VPS13A: variants seen among roughly 807,000 people sequenced by gnomAD.
VPS13A encodes the protein vacuolar protein sorting 13 homolog A, also known as intermembrane lipid transfer protein VPS13A.
Under a neutral mutation model 390.9 loss-of-function variants are expected in VPS13A, and 264 were observed. The observed-to-expected ratio is 0.68, with a 90% CI of 0.61 to 0.75. The LOEUF (loss-of-function observed/expected upper bound fraction) is 0.75, where lower values mean the gene tolerates loss of function less well. Ranked by LOEUF, VPS13A falls within the 30% of genes least tolerant of loss-of-function variation. The probability of loss-of-function intolerance (pLI) is 0.00; values close to 1 mark genes in which losing one functional copy is unlikely to be tolerated. For missense variants in VPS13A, 3,409 were observed against 3,733.9 expected (o/e 0.91, Z 2.27); for synonymous variants, 1,231 against 1,227.1 (o/e 1.00, Z -0.07).
At position 77,307,987 on chromosome 9, in the gene VPS13A, T is replaced by C. The variant is rs375759175; in HGVS notation, c.4003T>C (p.Leu1335=). ...AGATATAACAACTATTTTTAAAACA[T>C]TGCATGGCAATATATGGTATGAAAA... is the stretch of plus-strand genomic sequence containing the variant. ...QEDITTIFKT[L]HGNIWYEKDG... Residue 1335 remains leucine (L), a synonymous_variant, in exon 35 of 72, where the codon TTG becomes CTG. Transcript: ENST00000360280. The C allele has an allele frequency of 1.6e-5, 25 of 1,602,790 alleles. No individual in the cohort carries two copies. Among genetic ancestry groups the C allele is most frequent in the East Asian group, 2.2e-5 (1 of 44,744 alleles).
chr9:77,209,399 A>T (rs755059038), intron 5 of VPS13A, 24 bp from the exon 6 acceptor site: 11 of 1,521,404 alleles, frequency 7.2e-6, no homozygotes, highest in Non-Finnish European at 2.7e-6. Flanking sequence ...TTCAATTTTA[A>T]AAAAGGAATA....
At chr9:77,368,223 TGAG>T (rs1832545628) in intron 62 of VPS13A, 87 bp downstream of exon 62, 3 of 1,084,984 alleles carry the variant, frequency 2.8e-6, no homozygotes, top group East Asian at 5.1e-5. Context: ...GTGGAACTAT[TGAG>T]GAACTAAATA....
At chr9:77,362,108 G>A (rs578175847) in intron 59 of VPS13A, among the ~76,000 whole-genome samples, 11 of 152,006 alleles carry the variant, frequency 7.2e-5, no homozygotes, top group Non-Finnish European at 1.3e-4. Context: ...CTCATTCTGT[G>A]TGTTGCTTTT....
Position 77,353,420 on chromosome 9 carries a change from G to A in VPS13A, c.7431G>A (p.Met2477Ile). The change falls in exon 54 of 72, where the codon ATG becomes ATA. Residue 2477 changes from methionine (M) to isoleucine (I), a missense_variant. Coordinates refer to ENST00000360280, the MANE Select transcript of VPS13A (RefSeq NM_033305.3). The stretch of plus-strand genomic sequence containing the variant: ...TGGTTTTATTCTAGGATATGATGAT[G>A]CCTATAGATTTGGGGGAAAAGACAA... ...GEVTQKDDMMMPIDLGEKTIY... is the reference protein window; with the variant it reads ...GEVTQKDDMMIPIDLGEKTIY... 6.6e-7 allele frequency: 1 copy of A among 1,505,974 alleles called. No individual in the cohort carries two copies. Among genetic ancestry groups the A allele is most frequent in the African/African-American group, 1.4e-5 (1 of 71,194 alleles). The allele number at this position is 1,505,974 out of a possible 1,614,324, so 93.3% of individuals were successfully genotyped here. A position where few individuals can be genotyped will look rare whatever the true frequency, so the allele number is the denominator to read the frequency against.
At chr9:77,187,122 A>G (rs1007227722) in intron 1 of VPS13A, among the ~76,000 whole-genome samples, 10 of 152,154 alleles carry the variant, frequency 6.6e-5, no homozygotes, top group African/African-American at 2.2e-4. Context: ...TTGTTTCTCC[A>G]TTCATCTGTT....
intron 1 of VPS13A, among the ~76,000 whole-genome samples, chr9:77,188,944 C>T (rs2131068529): frequency 6.6e-6 from 1 of 152,046 alleles, no homozygotes; most frequent in East Asian, 1.9e-4. Context: ...GTCCATTGCC[C>T]ATTTTTTAAA....
chr9:77,290,844 G>A (rs1332121451), intron 31 of VPS13A, among the ~76,000 whole-genome samples: 1 of 152,056 alleles, frequency 6.6e-6, no homozygotes, highest in Non-Finnish European at 1.5e-5. Flanking sequence ...TCATGCATAT[G>A]TTCCACTAGA....
intron 62 of VPS13A, 43 bp from the exon 63 acceptor site, chr9:77,369,256 A>G (rs761806041): frequency 2.1e-6 from 3 of 1,439,024 alleles, no homozygotes; most frequent in Admixed American, 3.3e-5. Flanking sequence ...GAAAAAATAG[A>G]TCTAATTATC....
In VPS13A at chr9:77,314,509, T is replaced by G. The variant is rs763563860; in HGVS notation, c.4257T>G (p.Asp1419Glu). 1 of 1,612,246 alleles carries G rather than the reference T, an allele frequency of 6.2e-7. No homozygotes were observed. The highest frequency in any genetic ancestry group is 2.2e-5 in the East Asian group (1 of 44,734). ...SPGPKQASFTDVRDPSLKLAE... is the reference protein window; with the variant it reads ...SPGPKQASFTEVRDPSLKLAE... ...TCCTTTCATAGGCTTCCTTTACAGATGTTCGTGATCCTTCTCTGAAACTTG... is the reference window on the plus strand; with the variant it reads ...TCCTTTCATAGGCTTCCTTTACAGAGGTTCGTGATCCTTCTCTGAAACTTG... Residue 1419 changes from aspartate to glutamate, a missense_variant, in exon 37 of 72, where the codon GAT becomes GAG. Around this residue, in one of 5 missense-constraint regions of VPS13A, gnomAD observed 2,717 missense variants for 2,917.4 expected, o/e 0.93. Coordinates refer to ENST00000360280, the MANE Select transcript of VPS13A (RefSeq NM_033305.3).
chr9:77,207,810 G>C (rs1408849896), intron 5 of VPS13A, among the ~76,000 whole-genome samples: 1 of 152,022 alleles, frequency 6.6e-6, no homozygotes, highest in African/African-American at 2.4e-5. Context: ...GCTATTTTTT[G>C]TTTGGTGGGG....
chr9:77,330,265 A>G (rs1016917076), intron 45 of VPS13A, among the ~76,000 whole-genome samples: 1 of 152,088 alleles, frequency 6.6e-6, no homozygotes, highest in Non-Finnish European at 1.5e-5. Context: ...ATCCTCCTGC[A>G]TCAGCCTCCC....
intron 59 of VPS13A, among the ~76,000 whole-genome samples, chr9:77,362,538 T>C (rs1832200334): frequency 6.6e-6 from 1 of 152,234 alleles, no homozygotes; most frequent in African/African-American, 2.4e-5. Context: ...GTTTTGAAAT[T>C]GGGACATATG....
chr9:77,379,960 C>T (rs1354816399), intron 67 of VPS13A, among the ~76,000 whole-genome samples: 1 of 152,034 alleles, frequency 6.6e-6, no homozygotes, highest in East Asian at 1.9e-4. Flanking sequence ...AAATCTTCAA[C>T]TATTATGGTG....
chr9:77,336,792 A>G (rs1260772052), intron 46 of VPS13A, among the ~76,000 whole-genome samples: 1 of 144,118 alleles, frequency 6.9e-6, no homozygotes, highest in Non-Finnish European at 1.5e-5. Flanking sequence ...GATGATATCT[A>G]TTTATCTATC....
At chr9:77,311,177 G>A (rs2131417800) in intron 35 of VPS13A, among the ~76,000 whole-genome samples, 1 of 152,166 alleles carries the variant, frequency 6.6e-6, no homozygotes, top group South Asian at 2.1e-4. Context: ...CCCTGCCTCG[G>A]TCTCCCAAAG....
chr9:77,230,285 A>G (rs1823753482), intron 17 of VPS13A, among the ~76,000 whole-genome samples: 1 of 151,878 alleles, frequency 6.6e-6, no homozygotes. Flanking sequence ...TTTCATTATA[A>G]CTCAGAAATC....
chr9:77,302,773 G>A (rs985526375), intron 33 of VPS13A, 142 bp from the exon 34 acceptor site: 3 of 864,290 alleles, frequency 3.5e-6, no homozygotes, highest in African/African-American at 3.4e-5. Context: ...TAAAAAAAAA[G>A]TCTGATAGAT....
chr9:77,337,248 C>A lies in VPS13A; in HGVS notation c.6096-7C>A. 6.2e-7 allele frequency: 1 copy of A among 1,609,318 alleles called. No individual in the cohort carries two copies. The highest frequency in any genetic ancestry group is 1.1e-5 in the South Asian group (1 of 90,740). On this transcript the variant is annotated splice_polypyrimidine_tract_variant and splice_region_variant and intron_variant, in intron 46 of 71. Transcript: ENST00000360280. ...CATTTTAAACTGTATCATTTAATCTCATGCAGATCATTCATTTTTCTGAAG... is the reference window on the plus strand; with the variant it reads ...CATTTTAAACTGTATCATTTAATCTAATGCAGATCATTCATTTTTCTGAAG...
intron 34 of VPS13A, among the ~76,000 whole-genome samples, chr9:77,305,288 G>A (rs1388640475): frequency 2.0e-5 from 3 of 152,020 alleles, no homozygotes; most frequent in Non-Finnish European, 4.4e-5. Flanking sequence ...AAAACATGAT[G>A]GCATTATGAA....
Sources: gnomAD v4.1 joint callset for allele counts (sites outside exome capture counted in the v4.1 genomes callset) on GRCh38, gnomAD v4.1.1 for gene constraint, gnomAD v4.1.1 regional missense constraint, MANE v1.5 for transcripts, NCBI Gene and HGNC (gene_info 2026-07-23, HGNC 2026-07-21) for gene names.